PCDHGB3: variants seen among roughly 807,000 people sequenced by gnomAD.
PCDHGB3 encodes protocadherin gamma-B3.
Under a neutral mutation model 59.2 loss-of-function variants are expected in PCDHGB3, and 40 were observed. The ratio of observed to expected loss-of-function variants is 0.68; its 90% CI spans 0.52 to 0.88. PCDHGB3 has a LOEUF of 0.88. Among genes scored for constraint, PCDHGB3 ranks in the 40% least tolerant of loss-of-function variants. The pLI is 0.00. For synonymous variants in PCDHGB3, 581 were observed against 503.6 expected (o/e 1.15, Z -2.06); for missense variants, 1,309 against 1,187.9 (o/e 1.10, Z -1.50).
intron 1 of PCDHGB3, chr5:141,393,313 T>G: frequency 1.2e-6 from 2 of 1,613,324 alleles, no homozygotes; most frequent in Non-Finnish European, 1.7e-6. Flanking sequence ...GTGAACTCCC[T>G]CCAGAGCTAC....
rs138070043 is a variant in PCDHGB3, at chr5:141,512,950, AAAT to A, written c.*1783_*1785del. 5,271 of 152,332 alleles carry A rather than the reference AAAT, an allele frequency of 0.035. 119 individuals carry two copies. The highest frequency in any genetic ancestry group is 0.075 in the South Asian group (360 of 4,826). The allele number at this position is 152,332 out of a possible 1,614,324, so 9.4% of individuals were successfully genotyped here. On this transcript the variant is annotated 3_prime_UTR_variant, in exon 4 of 4. Coordinates refer to ENST00000576222, the MANE Select transcript of PCDHGB3 (RefSeq NM_018924.5). ...ATATGGCTTTTTTTCTTCGACAAAA[AAAT>A]AATAAAACGTTTCTTCTGAAAAGCT...
Position 141,485,746 on chromosome 5 carries a change from C to T in PCDHGB3, c.2416-9061C>T, listed in dbSNP as rs1297635523. ...AGAAGCGCAGCGACGGCAGCCTGGT[C>T]CCAGAGCTGCTCCTGGAGAAGCCTT... On this transcript the variant is annotated intron_variant, in intron 1 of 3. Coordinates refer to ENST00000576222, the MANE Select transcript of PCDHGB3 (RefSeq NM_018924.5). The surrounding 1 kb of genome is among the most constrained non-coding windows in gnomAD (Gnocchi z 5.7). 6.2e-7 allele frequency: 1 copy of T among 1,614,128 alleles called. No individual in the cohort carries two copies. The highest frequency in any genetic ancestry group is 2.2e-5 in the East Asian group (1 of 44,880).
chr5:141,445,224 G>A (rs1016307216), intron 1 of PCDHGB3, among the ~76,000 whole-genome samples: 6 of 152,194 alleles, frequency 3.9e-5, no homozygotes, highest in Admixed American at 2.0e-4. Context: ...GAGGTGCAAA[G>A]TGCTCTATTC....
At chr5:141,412,814 C>CAT (rs1339609844) in intron 1 of PCDHGB3, among the ~76,000 whole-genome samples, 1 of 152,180 alleles carries the variant, frequency 6.6e-6, no homozygotes, top group Non-Finnish European at 1.5e-5. Context: ...AAGAAACCTA[C>CAT]ATATAGTAAA....
At chr5:141,376,594 G>A in intron 1 of PCDHGB3, 2 of 1,525,706 alleles carry the variant, frequency 1.3e-6, no homozygotes, top group Non-Finnish European at 1.8e-6. Flanking sequence ...TAGATCGGCT[G>A]TTATAGAAGC....
chr5:141,389,975 C>A (rs1318416407), intron 1 of PCDHGB3: 1 of 1,614,060 alleles, frequency 6.2e-7, no homozygotes, highest in Non-Finnish European at 8.5e-7. Flanking sequence ...TGGCCTTGAT[C>A]TCAGTGCTCT....
At chr5:141,472,369 G>A (rs1194465676) in intron 1 of PCDHGB3, among the ~76,000 whole-genome samples, 2 of 151,770 alleles carry the variant, frequency 1.3e-5, no homozygotes, top group Admixed American at 6.6e-5. Flanking sequence ...GTGAAACCCC[G>A]TCTCCACTAA....
At chr5:141,404,769 A>C (rs528627644) in intron 1 of PCDHGB3, 1 of 1,611,124 alleles carries the variant, frequency 6.2e-7, no homozygotes, top group South Asian at 1.1e-5. Context: ...TGGCTCTCCT[A>C]CCGCCTATTC....
intron 1 of PCDHGB3, among the ~76,000 whole-genome samples, chr5:141,464,431 A>G (rs1352563675): frequency 6.6e-6 from 1 of 151,648 alleles, no homozygotes; most frequent in Non-Finnish European, 1.5e-5. Flanking sequence ...ATATAGATAT[A>G]TATGTTTGTT....
chr5:141,458,506 A>G (rs1443711702), intron 1 of PCDHGB3, among the ~76,000 whole-genome samples: 1 of 150,282 alleles, frequency 6.7e-6, no homozygotes, highest in Non-Finnish European at 1.5e-5. Flanking sequence ...ATACTGTTTG[A>G]CACTTTGTTT....
chr5:141,374,413 C>G (rs773364230), intron 1 of PCDHGB3: 3 of 1,613,856 alleles, frequency 1.9e-6, no homozygotes, highest in Admixed American at 3.3e-5. Context: ...ACATCCTTGT[C>G]GAGGATAAAC....
rs1441229232 is a variant in PCDHGB3 at position 141,371,438 on chromosome 5, C to T, written c.1044C>T (p.Thr348=). The part of the protein sequence containing the change: ...SDENDNAPEI[T]LASESQHIQE... Reference sequence around the variant, plus strand: ...AAAATGACAATGCCCCGGAGATAACCCTGGCTTCTGAATCCCAACATATAC... The same window carrying T: ...AAAATGACAATGCCCCGGAGATAACTCTGGCTTCTGAATCCCAACATATAC... The change falls in exon 1 of 4, where the codon ACC becomes ACT. Residue 348 remains threonine (T), a synonymous_variant. Coordinates refer to ENST00000576222, the MANE Select transcript of PCDHGB3 (RefSeq NM_018924.5). 3 of 1,613,764 alleles carry T rather than the reference C, an allele frequency of 1.9e-6. No homozygotes were observed. The highest frequency in any genetic ancestry group is 1.3e-5 in the African/African-American group (1 of 74,898).
At chr5:141,394,789 C>A (rs747304715) in intron 1 of PCDHGB3, 1 of 1,613,728 alleles carries the variant, frequency 6.2e-7, no homozygotes, top group South Asian at 1.1e-5. Context: ...GCCACTGTCA[C>A]GCTCACCGTA....
At chr5:141,390,538 C>A in intron 1 of PCDHGB3, 1 of 518,310 alleles carries the variant, frequency 1.9e-6, no homozygotes, top group African/African-American at 1.9e-5. Flanking sequence ...GTTTTAACCA[C>A]AAAGTGAAAG....
rs374655655 is a variant in PCDHGB3, at chr5:141,431,023, C to A, written c.2415+58214C>A. 1 of 1,613,748 alleles carries A rather than the reference C, an allele frequency of 6.2e-7. No homozygotes were observed. The highest frequency in any genetic ancestry group is 2.2e-5 in the East Asian group (1 of 44,862). On this transcript the variant is annotated intron_variant, in intron 1 of 3. Coordinates refer to ENST00000576222, the MANE Select transcript of PCDHGB3 (RefSeq NM_018924.5). The surrounding 1 kb of genome is among the most constrained non-coding windows in gnomAD (Gnocchi z 4.8). ...GCAGCGGCAGCTTGGTCACGGCGGG[C>A]AGGATAGACCGGGAGGAGCTCTGTA...
At chr5:141,463,103 A>G (rs1235750988) in intron 1 of PCDHGB3, among the ~76,000 whole-genome samples, 1 of 152,206 alleles carries the variant, frequency 6.6e-6, no homozygotes, top group African/African-American at 2.4e-5. Context: ...GTGACCATCA[A>G]GAATTCAGCT....
chr5:141,385,190 G>A (rs899564761), intron 1 of PCDHGB3: 5 of 1,614,048 alleles, frequency 3.1e-6, no homozygotes, highest in African/African-American at 1.3e-5. Context: ...GCGGACTCTC[G>A]GAAGAGTCAC....
chr5:141,434,789 T>C (rs2097718008), intron 1 of PCDHGB3, among the ~76,000 whole-genome samples: 1 of 152,008 alleles, frequency 6.6e-6, no homozygotes, highest in African/African-American at 2.4e-5. Context: ...AAAAAATTTT[T>C]TTTTCTGAGC....
In PCDHGB3 at chr5:141,372,791, T is replaced by C; in HGVS notation, c.2397T>C (p.Asn799=). Residue 799 remains asparagine (N), a synonymous_variant, in exon 1 of 4, where the codon AAT becomes AAC. Coordinates refer to ENST00000576222, the MANE Select transcript of PCDHGB3 (RefSeq NM_018924.5). ...ATGACAATCCAGAAATGCCTTCTAA[T>C]TCAGGCAATTTGCAAAAGGTGAGTT... The part of the protein sequence containing the change: ...ESNDNPEMPS[N]SGNLQKQAPP... The C allele has an allele frequency of 1.2e-6, 2 of 1,600,738 alleles. No individual in the cohort carries two copies. The highest frequency in any genetic ancestry group is 8.5e-7 in the Non-Finnish European group (1 of 1,172,882).
Sources: allele counts gnomAD v4.1 joint callset (sites outside exome capture counted in the v4.1 genomes callset), GRCh38; gene constraint gnomAD v4.1.1; non-coding constraint Gnocchi (gnomAD v3.1); transcripts MANE v1.5; gene names NCBI Gene and HGNC (gene_info 2026-07-23, HGNC 2026-07-21).